The following SLC2A13 variants were observed in gnomAD, a reference collection of about 807,000 sequenced individuals.
The protein encoded by SLC2A13 is solute carrier family 2 member 13.
In SLC2A13, 32 loss-of-function variants were observed where a neutral mutation model predicts 64.4. The observed-to-expected ratio is 0.50, with a 90% confidence interval of 0.37 to 0.67. The LOEUF (loss-of-function observed/expected upper bound fraction) is 0.67, where lower values mean the gene tolerates loss of function less well. SLC2A13 is among the 30% of genes least tolerant of loss of function. SLC2A13 has a pLI of 0.00. For missense variants in SLC2A13, 743 were observed against 829.2 expected, an observed-to-expected ratio of 0.90 and a Z score of 1.28; for synonymous variants, 338 against 327.1, an observed-to-expected ratio of 1.03 and a Z score of -0.36.
At chr12:39,916,433 G>A (rs1432705022) in intron 4 of SLC2A13, among the ~76,000 whole-genome samples, 1 of 152,032 alleles carries the variant, frequency 6.6e-6, no homozygotes, top group Non-Finnish European at 1.5e-5. Context: ...TCCTTCTACT[G>A]CTAAAACCTT....
chr12:39,894,867 G>GA (rs1292932439), intron 4 of SLC2A13, among the ~76,000 whole-genome samples: 3 of 151,872 alleles, frequency 2.0e-5, no homozygotes, highest in Admixed American at 2.0e-4. Flanking sequence ...AGGGAGAAAA[G>GA]AAAAAAAGAA....
At chr12:40,065,660 A>G (rs1267173982) in intron 1 of SLC2A13, among the ~76,000 whole-genome samples, 3 of 152,200 alleles carry the variant, frequency 2.0e-5, no homozygotes, top group African/African-American at 7.2e-5. Context: ...ACACCTTATA[A>G]CTTCTCTACC....
At chr12:39,910,942 G>A (rs1482733773) in intron 4 of SLC2A13, among the ~76,000 whole-genome samples, 2 of 152,026 alleles carry the variant, frequency 1.3e-5, no homozygotes, top group African/African-American at 2.4e-5. Flanking sequence ...AAATTAGCCA[G>A]GTGTAGTGGC....
intron 6 of SLC2A13, among the ~76,000 whole-genome samples, chr12:39,831,187 T>C (rs1942841302): frequency 6.6e-6 from 1 of 152,112 alleles, no homozygotes; most frequent in South Asian, 2.1e-4. Flanking sequence ...GAGAAACAGA[T>C]GAACAACGAC....
rs563083534 is a variant in SLC2A13, at chr12:39,821,997, A to C, written c.1445+8106T>G. 2.0e-5 allele frequency among the ~76,000 whole-genome samples: 3 copies of C among 151,992 alleles called. No homozygotes were observed. In the East Asian group the frequency reaches 5.8e-4, roughly 29 times the overall value. On this transcript the variant is annotated intron_variant, in intron 7 of 9. Coordinates refer to ENST00000280871, the MANE Select transcript of SLC2A13 (RefSeq NM_052885.4). Reference sequence around the variant, plus strand: ...GGTTAGTTACATATGTATACATGTGACATGCTGGTGCGCTGCACACACTAA... The same window carrying C: ...GGTTAGTTACATATGTATACATGTGCCATGCTGGTGCGCTGCACACACTAA...
intron 7 of SLC2A13, among the ~76,000 whole-genome samples, chr12:39,772,179 C>T (rs1014061043): frequency 6.6e-6 from 1 of 152,136 alleles, no homozygotes; most frequent in African/African-American, 2.4e-5. Context: ...TACAGCATGG[C>T]ACAAGGGTCA....
In SLC2A13 at chr12:39,764,511, C is replaced by T. The variant is rs758512663; in HGVS notation, c.1669G>A (p.Val557Ile). The change falls in exon 9 of 10, where the codon GTC (valine) becomes ATC (isoleucine). Residue 557 changes from valine to isoleucine, a missense_variant. Coordinates refer to ENST00000280871, the MANE Select transcript of SLC2A13 (RefSeq NM_052885.4). ...TGTAAAAATGTTAGTGAAACCAGGA[C>T]ATTGAAAATCCAGTTTATTCCAGAT... ...CSSGINWIFN[V>I]LVSLTFLHTA... 54 of 1,610,878 alleles carry T rather than the reference C, an allele frequency of 3.4e-5. No homozygotes were observed. The East Asian group carries it at 1.1e-3, about 34-fold the overall frequency.
At chr12:39,808,086 A>G (rs1221776640) in intron 7 of SLC2A13, among the ~76,000 whole-genome samples, 1 of 152,180 alleles carries the variant, frequency 6.6e-6, no homozygotes, top group African/African-American at 2.4e-5. Flanking sequence ...AAGAGAGTAA[A>G]CATTTCCATA....
chr12:39,861,026 C>T (rs1183748048), intron 6 of SLC2A13, among the ~76,000 whole-genome samples: 1 of 152,238 alleles, frequency 6.6e-6, no homozygotes, highest in African/African-American at 2.4e-5. Context: ...ATAGTCTTAT[C>T]TGAATCTTCT....
intron 7 of SLC2A13, among the ~76,000 whole-genome samples, chr12:39,769,982 A>G (rs1403958634): frequency 6.6e-6 from 1 of 151,988 alleles, no homozygotes; most frequent in Non-Finnish European, 1.5e-5. Flanking sequence ...ATGCTCTTTG[A>G]TTACTCTGTG....
At chr12:40,083,633 TATC>T (rs966047436) in intron 1 of SLC2A13, among the ~76,000 whole-genome samples, 10 of 152,216 alleles carry the variant, frequency 6.6e-5, no homozygotes, top group African/African-American at 2.2e-4. Context: ...ACTCCTCCCA[TATC>T]TTCTGGCTCA....
At chr12:39,918,638 A>G (rs537090964) in intron 4 of SLC2A13, among the ~76,000 whole-genome samples, 1 of 152,198 alleles carries the variant, frequency 6.6e-6, no homozygotes, top group African/African-American at 2.4e-5. Flanking sequence ...ACAGCAAATC[A>G]CTTGTGTAAA....
chr12:39,849,247 T>C (rs1218818437), intron 6 of SLC2A13, among the ~76,000 whole-genome samples: 2 of 152,078 alleles, frequency 1.3e-5, no homozygotes, highest in Non-Finnish European at 1.5e-5. Flanking sequence ...ATATATATGA[T>C]TGCAAATTGG....
Position 40,028,435 on chromosome 12 carries a change from C to CT in SLC2A13, c.790_791insA (p.Arg264GlnfsTer14). On this transcript the variant is annotated frameshift_variant, in exon 3 of 10. Transcript: ENST00000280871. LOFTEE classifies it high-confidence loss of function. ...AGTCTGTCCTTTCTGAATAAGCCATCGAGGGCTTTCAGGCAAAAAGAGAAA... is the reference window on the plus strand; with the variant it reads ...AGTCTGTCCTTTCTGAATAAGCCATCTGAGGGCTTTCAGGCAAAAAGAGAAA... The CT allele has an allele frequency of 6.2e-7, 1 of 1,613,898 alleles. No individual in the cohort carries two copies.
intron 4 of SLC2A13, among the ~76,000 whole-genome samples, chr12:39,900,187 A>C (rs1377371736): frequency 1.3e-5 from 2 of 152,150 alleles, no homozygotes; most frequent in Non-Finnish European, 2.9e-5. Flanking sequence ...GATGGGACGT[A>C]TCTCAAAATA....
chr12:39,861,010 G>C (rs1042388510), intron 6 of SLC2A13, among the ~76,000 whole-genome samples: 2 of 152,278 alleles, frequency 1.3e-5, no homozygotes, highest in Middle Eastern at 6.8e-3. Flanking sequence ...GCTCTGATCT[G>C]TCTTAATAGT....
At chr12:40,084,487 C>T (rs1938526452) in intron 1 of SLC2A13, among the ~76,000 whole-genome samples, 1 of 152,206 alleles carries the variant, frequency 6.6e-6, no homozygotes, top group South Asian at 2.1e-4. Flanking sequence ...ACTCACGGGG[C>T]TGGCTCAAAT....
intron 2 of SLC2A13, 23 bp downstream of exon 2, chr12:40,048,027 TA>T: frequency 6.4e-7 from 1 of 1,558,534 alleles, no homozygotes; most frequent in Non-Finnish European, 8.6e-7. Flanking sequence ...TTTGAAAAAT[TA>T]AATGTAAAAA....
At chr12:39,976,599 T>C (rs952964763) in intron 3 of SLC2A13, among the ~76,000 whole-genome samples, 1 of 152,190 alleles carries the variant, frequency 6.6e-6, no homozygotes, top group African/African-American at 2.4e-5. Context: ...GGTCTCACTA[T>C]GTTGCTCAGG....
Sources: allele counts gnomAD v4.1 joint callset (sites outside exome capture counted in the v4.1 genomes callset), GRCh38; gene constraint gnomAD v4.1.1; transcripts MANE v1.5; gene names NCBI Gene and HGNC (gene_info 2026-07-23, HGNC 2026-07-21).